Variants in FOCAD observed in about 807,000 individuals in gnomAD.
FOCAD encodes the protein focadhesin.
Under a neutral mutation model 225.6 loss-of-function variants are expected in FOCAD, and 198 were observed. The ratio of observed to expected loss-of-function variants is 0.88; its 90% CI spans 0.78 to 0.99. The LOEUF is 0.99. Among genes scored for constraint, FOCAD ranks in the 50% least tolerant of loss-of-function variants. FOCAD has a pLI of 0.00. For missense variants in FOCAD, 2,713 were observed against 2,123.6 expected (o/e 1.28, Z -5.46); for synonymous variants, 897 against 755.0 (o/e 1.19, Z -3.08).
chr9:20,713,525 T>A (rs1009031333), intron 1 of FOCAD, among the ~76,000 whole-genome samples: 1 of 152,222 alleles, frequency 6.6e-6, no homozygotes, highest in East Asian at 1.9e-4. Flanking sequence ...CACTTTTTTT[T>A]AATTAGCACT....
intron 12 of FOCAD, 160 bp from the exon 13 acceptor site, chr9:20,820,164 C>A (rs1824163725): frequency 1.7e-6 from 1 of 573,580 alleles, no homozygotes. Flanking sequence ...TATCTAGCCC[C>A]TCCAACGCTA....
chr9:20,671,308 C>T (rs961826466), intron 2 of FOCAD, among the ~76,000 whole-genome samples: 5 of 152,022 alleles, frequency 3.3e-5, no homozygotes, highest in African/African-American at 1.2e-4. Context: ...GAGGAAAAAG[C>T]TCTTGAGACT....
At chr9:20,804,055 C>G (rs1310492908) in intron 11 of FOCAD, among the ~76,000 whole-genome samples, 2 of 152,022 alleles carry the variant, frequency 1.3e-5, no homozygotes, top group Non-Finnish European at 2.9e-5. Flanking sequence ...TAATGCCGAA[C>G]CATTTTCTGT....
chr9:20,915,540 C>T (rs927910830), intron 23 of FOCAD, among the ~76,000 whole-genome samples: 2 of 152,110 alleles, frequency 1.3e-5, no homozygotes, highest in East Asian at 1.9e-4. Flanking sequence ...GTGGTCATGA[C>T]AGGAGCTCTT....
intron 11 of FOCAD, among the ~76,000 whole-genome samples, chr9:20,804,101 C>T (rs1295431474): frequency 6.6e-6 from 1 of 152,070 alleles, no homozygotes; most frequent in Non-Finnish European, 1.5e-5. Context: ...CGATTCACAC[C>T]TTTTCCTTTG....
chr9:20,820,810 G>GAT, intron 13 of FOCAD, 131 bp from the exon 14 acceptor site: 3 of 984,594 alleles, frequency 3.0e-6, no homozygotes, highest in Non-Finnish European at 4.6e-6. Context: ...CTTCTCTGCT[G>GAT]ATTAGAAGAA....
chr9:20,913,948 A>G (rs764116265), intron 23 of FOCAD, among the ~76,000 whole-genome samples: 2 of 152,068 alleles, frequency 1.3e-5, no homozygotes, highest in African/African-American at 2.4e-5. Flanking sequence ...AGTATAAAGG[A>G]GTTAGGTCCC....
chr9:20,766,850 G>A (rs1355289303), intron 7 of FOCAD, among the ~76,000 whole-genome samples: 2 of 151,632 alleles, frequency 1.3e-5, no homozygotes, highest in African/African-American at 4.8e-5. Flanking sequence ...TATACTTTAA[G>A]TTTTAGGGTA....
Position 20,769,022 on chromosome 9 carries a change from T to C in FOCAD, c.700-1010T>C, listed in dbSNP as rs528205550. Among the ~76,000 whole-genome samples, 6 of 152,298 alleles carry C rather than the reference T, an allele frequency of 3.9e-5. No homozygotes were observed. In the East Asian group the frequency reaches 1.2e-3, roughly 29 times the overall value. ...ACACATAAATGCACTCAAGGAAATATATTGTCAAGTAAACATTAGGCTTTA... is the reference window on the plus strand; with the variant it reads ...ACACATAAATGCACTCAAGGAAATACATTGTCAAGTAAACATTAGGCTTTA... On this transcript the variant is annotated intron_variant, in intron 7 of 43. Transcript: ENST00000338382.
intron 14 of FOCAD, 81 bp downstream of exon 14, chr9:20,821,152 A>G (rs889566029): frequency 2.8e-5 from 39 of 1,370,868 alleles, no homozygotes; most frequent in Non-Finnish European, 3.6e-5. Flanking sequence ...GCAAGAGGCA[A>G]GAAAAGATAG....
Position 20,948,879 on chromosome 9 carries a change from C to T in FOCAD, c.3827C>T (p.Ala1276Val), listed in dbSNP as rs1273062948. ...ACTCCCACAATGCTTTGTCTGGCAG[C>T]TCTTCATGGCATGGTGGCCTTGGTA... ...EGTPTMLCLA[A>V]LHGMVALVGS... Residue 1276 changes from alanine (A) to valine (V), a missense_variant, in exon 32 of 44, where the codon GCT becomes GTT. Physicochemically the swap from Ala to Val is moderately conservative, Grantham distance 64. Coordinates refer to ENST00000338382, the MANE Select transcript of FOCAD (RefSeq NM_001375567.1). 1 of 1,613,550 alleles carries T rather than the reference C, an allele frequency of 6.2e-7. No individual in the cohort carries two copies. Among genetic ancestry groups the T allele is most frequent in the Non-Finnish European group, 8.5e-7 (1 of 1,179,554 alleles).
intron 14 of FOCAD, among the ~76,000 whole-genome samples, chr9:20,821,936 T>C (rs913375704): frequency 8.3e-6 from 1 of 119,994 alleles, no homozygotes; most frequent in African/African-American, 3.3e-5. Flanking sequence ...CTAGCATTTT[T>C]ACCTCTTTTC....
At chr9:20,826,383 C>T (rs1049350081) in intron 15 of FOCAD, among the ~76,000 whole-genome samples, 1 of 152,056 alleles carries the variant, frequency 6.6e-6, no homozygotes, top group Admixed American at 6.6e-5. Flanking sequence ...CCAAGTTCTT[C>T]AGCTTTTGAG....
At chr9:20,884,243 A>G (rs1353315539) in intron 20 of FOCAD, among the ~76,000 whole-genome samples, 1 of 152,160 alleles carries the variant, frequency 6.6e-6, no homozygotes, top group African/African-American at 2.4e-5. Flanking sequence ...TGTAAATAAT[A>G]TTTTACATGT....
At chr9:20,723,136 C>T (rs939904079) in intron 4 of FOCAD, among the ~76,000 whole-genome samples, 3 of 152,110 alleles carry the variant, frequency 2.0e-5, no homozygotes, top group South Asian at 2.1e-4. Context: ...AGTGAATTAT[C>T]CTGTCATCTC....
intron 24 of FOCAD, among the ~76,000 whole-genome samples, chr9:20,922,119 A>C (rs1834494026): frequency 6.6e-6 from 1 of 152,226 alleles, no homozygotes; most frequent in South Asian, 2.1e-4. Context: ...TTTTATGGCT[A>C]GGGCACCTAG....
intron 15 of FOCAD, among the ~76,000 whole-genome samples, chr9:20,828,301 T>C (rs1333263789): frequency 6.6e-6 from 1 of 152,120 alleles, no homozygotes; most frequent in Non-Finnish European, 1.5e-5. Flanking sequence ...GTGTTGTAAA[T>C]CTCAAACATA....
At chr9:20,685,010 T>C (rs1220016207) in intron 1 of FOCAD, among the ~76,000 whole-genome samples, 1 of 152,220 alleles carries the variant, frequency 6.6e-6, no homozygotes, top group Non-Finnish European at 1.5e-5. Flanking sequence ...CTCAGTGTGG[T>C]TCCTGAATTT....
At chr9:20,667,069 T>G (rs1821920238) in intron 2 of FOCAD, among the ~76,000 whole-genome samples, 1 of 152,224 alleles carries the variant, frequency 6.6e-6, no homozygotes, top group South Asian at 2.1e-4. Flanking sequence ...AATTTCACAG[T>G]TTCCTCCATT....
Sources: gnomAD v4.1 joint callset for allele counts (sites outside exome capture counted in the v4.1 genomes callset) on GRCh38, gnomAD v4.1.1 for gene constraint, MANE v1.5 for transcripts, NCBI Gene and HGNC (gene_info 2026-07-23, HGNC 2026-07-21) for gene names.